COG2: variants seen among roughly 807,000 people sequenced by gnomAD.
COG2 encodes the protein component of oligomeric golgi complex 2, also known as conserved oligomeric Golgi complex subunit 2.
In COG2, 52 loss-of-function variants were observed where a neutral mutation model predicts 90.6. That is an observed-to-expected ratio of 0.57 (90% CI 0.46 to 0.72). The LOEUF (loss-of-function observed/expected upper bound fraction) is 0.72, where lower values mean the gene tolerates loss of function less well. COG2 is among the 30% of genes least tolerant of loss of function. COG2 has a pLI of 0.00. For synonymous variants in COG2, 337 were observed against 320.4 expected (o/e 1.05, Z -0.55); for missense variants, 829 against 891.2 (o/e 0.93, Z 0.89).
intron 9 of COG2, chr1:230,678,492 C>T (rs1000334967): frequency 5.1e-6 from 5 of 985,132 alleles, no homozygotes; most frequent in Non-Finnish European, 4.8e-6. Flanking sequence ...AGTGAATACT[C>T]ACATGGTTTG....
chr1:230,661,933 G>A (rs1160987481), intron 3 of COG2, among the ~76,000 whole-genome samples: 1 of 152,024 alleles, frequency 6.6e-6, no homozygotes, highest in Non-Finnish European at 1.5e-5. Flanking sequence ...CTCTTGGGTG[G>A]CTCTCCTGCC....
At chr1:230,688,165 G>C in intron 14 of COG2, 22 bp downstream of exon 14, 1 of 1,473,030 alleles carries the variant, frequency 6.8e-7, no homozygotes, top group East Asian at 2.3e-5. Context: ...TCTTGACTAA[G>C]CAAATCTTTG....
intron 16 of COG2, 144 bp downstream of exon 16, chr1:230,690,297 A>G (rs1481197936): frequency 1.5e-6 from 1 of 686,978 alleles, no homozygotes; most frequent in East Asian, 3.1e-5. Flanking sequence ...TGTGTGTCCC[A>G]CTGTTTGCTT....
chr1:230,667,080 C>G (rs1382510657), intron 5 of COG2, among the ~76,000 whole-genome samples: 1 of 152,184 alleles, frequency 6.6e-6, no homozygotes, highest in Non-Finnish European at 1.5e-5. Flanking sequence ...GGGTCATCCC[C>G]TAGACAACTT....
intron 4 of COG2, among the ~76,000 whole-genome samples, chr1:230,664,023 C>T (rs183475103): frequency 6.6e-6 from 1 of 152,028 alleles, no homozygotes; most frequent in Non-Finnish European, 1.5e-5. Flanking sequence ...CCTGTCTTTA[C>T]AAATAATACA....
chr1:230,675,563 T>C (rs903028888), intron 9 of COG2, among the ~76,000 whole-genome samples: 1 of 152,192 alleles, frequency 6.6e-6, no homozygotes, highest in African/African-American at 2.4e-5. Context: ...TAAAATATAC[T>C]ACATAAATGT....
Position 230,688,296 on chromosome 1 carries a change from T to C in COG2, c.1652-124T>C, listed in dbSNP as rs530547655. The C allele has an allele frequency of 1.3e-4, 171 of 1,335,484 alleles. 1 individual carries two copies. Among genetic ancestry groups the C allele is most frequent in the South Asian group, 1.2e-3 (90 of 72,392 alleles). The allele number at this position is 1,335,484 out of a possible 1,614,324, so 82.7% of individuals were successfully genotyped here. Reference sequence around the variant, plus strand: ...TATTATAACTTACCTAAATAAGATGTTTTATTTAATTCATTTGATCTGATT... The same window carrying C: ...TATTATAACTTACCTAAATAAGATGCTTTATTTAATTCATTTGATCTGATT... On this transcript the variant is annotated intron_variant, in intron 14 of 17. Transcript: ENST00000366669.
intron 1 of COG2, among the ~76,000 whole-genome samples, chr1:230,646,930 T>C (rs1178817442): frequency 1.3e-5 from 2 of 152,172 alleles, no homozygotes; most frequent in Non-Finnish European, 2.9e-5. Flanking sequence ...CATCTCCTCT[T>C]TTCCCACTTT....
rs562625475 is a variant in COG2 at position 230,642,528 on chromosome 1, C to G, written c.-79C>G. 2 of 1,442,184 alleles carry G rather than the reference C, an allele frequency of 1.4e-6. No homozygotes were observed. Among genetic ancestry groups the G allele is most frequent in the African/African-American group, 1.4e-5 (1 of 70,876 alleles). The allele number at this position is 1,442,184 out of a possible 1,614,324, so 89.3% of individuals were successfully genotyped here. Reference sequence around the variant, plus strand: ...CTGTGCCGTGGAAACTGGCGGTGGCCGCGGCCGCCGAGTCGGTCTGCGCAG... The same window carrying G: ...CTGTGCCGTGGAAACTGGCGGTGGCGGCGGCCGCCGAGTCGGTCTGCGCAG... On this transcript the variant is annotated 5_prime_UTR_variant, in exon 1 of 18. Coordinates refer to ENST00000366669, the MANE Select transcript of COG2 (RefSeq NM_007357.3).
chr1:230,664,366 T>A lies in COG2; in HGVS notation c.382-118T>A, dbSNP rs546790620. The A allele has an allele frequency of 2.4e-3, 1,005 of 426,542 alleles. 4 individuals are homozygous for A. The highest frequency in any genetic ancestry group is 3.5e-3 in the Non-Finnish European group (830 of 236,450). The allele number at this position is 426,542 out of a possible 1,614,324, so 26.4% of individuals were successfully genotyped here. ...ATGTAGAAATACTAAAAATATAGAA[T>A]GCTATAGGTAATTTTACGTTGACTT... On this transcript the variant is annotated intron_variant, in intron 4 of 17. Transcript: ENST00000366669.
chr1:230,659,270 A>G (rs1207795026), intron 1 of COG2, among the ~76,000 whole-genome samples, 194 bp from the exon 2 acceptor site: 2 of 152,192 alleles, frequency 1.3e-5, no homozygotes, highest in Non-Finnish European at 2.9e-5. Context: ...GTCAGGGGCC[A>G]CCCTTCTTGG....
intron 1 of COG2, chr1:230,643,161 A>G (rs1661671275): frequency 6.5e-6 from 1 of 153,858 alleles, no homozygotes; most frequent in Admixed American, 6.5e-5. Context: ...GGATATTTAG[A>G]AGCTTAGAAC....
chr1:230,669,119 G>A, intron 6 of COG2: 1 of 462,640 alleles, frequency 2.2e-6, no homozygotes. Context: ...AGCTTAAGAG[G>A]AAGGTAACTT....
chr1:230,642,518 T>C lies in COG2; in HGVS notation c.-89T>C, dbSNP rs1043457750. ...GCGGACCCCCCTGTGCCGTGGAAAC[T>C]GGCGGTGGCCGCGGCCGCCGAGTCG... On this transcript the variant is annotated 5_prime_UTR_variant, in exon 1 of 18. Transcript: ENST00000366669. 3 of 1,337,108 alleles carry C rather than the reference T, an allele frequency of 2.2e-6. No individual in the cohort carries two copies. Among genetic ancestry groups the C allele is most frequent in the Admixed American group, 4.0e-5 (2 of 49,710 alleles). The allele number at this position is 1,337,108 out of a possible 1,614,324, so 82.8% of individuals were successfully genotyped here. A position where few individuals can be genotyped will look rare whatever the true frequency, so the allele number is the denominator to read the frequency against.
intron 1 of COG2, among the ~76,000 whole-genome samples, chr1:230,644,489 G>T (rs79846186): frequency 3.3e-5 from 5 of 152,204 alleles, no homozygotes; most frequent in Non-Finnish European, 5.9e-5. Flanking sequence ...GGTTTTGTAC[G>T]TGTGAGAAAG....
chr1:230,658,710 C>T (rs1053285937), intron 1 of COG2, among the ~76,000 whole-genome samples: 1 of 152,144 alleles, frequency 6.6e-6, no homozygotes, highest in Non-Finnish European at 1.5e-5. Context: ...TCTATAAGAC[C>T]CTGACTGGGG....
rs75772490 is a variant in COG2 at position 230,668,873 on chromosome 1, G to A, written c.594+89G>A. On this transcript the variant is annotated intron_variant, in intron 6 of 17. Coordinates refer to ENST00000366669, the MANE Select transcript of COG2 (RefSeq NM_007357.3). ...AACTAGTAATATTGTTGATCTACAG[G>A]GTTTTGAAGCTAACCTTGCATTTTT... 1,409 of 804,350 alleles carry A rather than the reference G, an allele frequency of 1.8e-3. 16 individuals carry two copies. In the African/African-American group the frequency reaches 0.022, roughly 13 times the overall value. The allele number at this position is 804,350 out of a possible 1,614,324, so 49.8% of individuals were successfully genotyped here.
chr1:230,651,490 G>A lies in COG2; in HGVS notation c.73-7974G>A, dbSNP rs564042734. Among the ~76,000 whole-genome samples the A allele has an allele frequency of 7.9e-5, 12 of 152,212 alleles. No homozygotes were observed. In the East Asian group the frequency reaches 1.7e-3, roughly 22 times the overall value. On this transcript the variant is annotated intron_variant, in intron 1 of 17. Transcript: ENST00000366669. The stretch of plus-strand genomic sequence containing the variant: ...TTAAACTTTATTTGGTTTTAAAATT[G>A]ATTGTCACTGCTATTCTAGTTAATG...
At chr1:230,687,445 C>A (rs1447380444) in intron 13 of COG2, among the ~76,000 whole-genome samples, 2 of 152,196 alleles carry the variant, frequency 1.3e-5, no homozygotes, top group African/African-American at 2.4e-5. Context: ...CATGCTCCCC[C>A]ACTTTTTTTT....
Sources: allele counts gnomAD v4.1 joint callset (sites outside exome capture counted in the v4.1 genomes callset), GRCh38; gene constraint gnomAD v4.1.1; transcripts MANE v1.5; gene names NCBI Gene and HGNC (gene_info 2026-07-23, HGNC 2026-07-21).